PHLPP1: variants seen among roughly 807,000 people sequenced by gnomAD.
PHLPP1 encodes the protein PH domain leucine-rich repeat-containing protein phosphatase 1.
A neutral mutation model predicts 117.2 loss-of-function variants in PHLPP1; 42 were observed. The ratio of observed to expected loss-of-function variants is 0.36; its 90% CI spans 0.28 to 0.46. The LOEUF is 0.46. PHLPP1 is among the 20% of genes least tolerant of loss of function. PHLPP1 has a pLI of 1.00. For synonymous variants in PHLPP1, 1,042 were observed against 970.7 expected (o/e 1.07, Z -1.37); for missense variants, 2,084 against 2,241.9 (o/e 0.93, Z 1.42).
chr18:62,979,024 C>T lies in PHLPP1; in HGVS notation c.4747C>T (p.Leu1583=), dbSNP rs750526587. The change falls in exon 17 of 17, where the codon CTG becomes TTG. Residue 1583 remains leucine, a synonymous_variant. Transcript: ENST00000262719. ...RAKEKEKQQH[L]LQVPAEASDE... ...CAAGGAGAAGGAGAAACAGCAGCAC[C>T]TGCTTCAGGTGCCAGCAGAGGCCAG... The T allele has an allele frequency of 1.2e-6, 2 of 1,613,602 alleles. No individual in the cohort carries two copies. The highest frequency in any genetic ancestry group is 1.7e-6 in the Non-Finnish European group (2 of 1,179,806).
At chr18:62,868,882 G>A (rs1278075806) in intron 4 of PHLPP1, among the ~76,000 whole-genome samples, 1 of 152,138 alleles carries the variant, frequency 6.6e-6, no homozygotes, top group East Asian at 1.9e-4. Context: ...GAGATCATAT[G>A]TTCAATAATC....
rs1445458088 is a variant in PHLPP1, at chr18:62,977,370, G to A, written c.3985-892G>A. 2.2e-5 allele frequency among the ~76,000 whole-genome samples: 3 copies of A among 135,388 alleles called. No homozygotes were observed. In the Admixed American group the frequency reaches 2.5e-4, roughly 11 times the overall value. The allele number at this position is 135,388 out of a possible 152,430, so 88.8% of individuals were successfully genotyped here. ...TTAAAACTAGGGCATGTAGAGGTAT[G>A]TCATGGACCTGAGAATCTCAAAATT... On this transcript the variant is annotated intron_variant, in intron 16 of 16. Coordinates refer to ENST00000262719, the MANE Select transcript of PHLPP1 (RefSeq NM_194449.4).
At chr18:62,838,173 G>C (rs1210474294) in intron 2 of PHLPP1, 1 of 152,098 alleles carries the variant, frequency 6.6e-6, no homozygotes, top group East Asian at 1.9e-4. Context: ...TAAGATTTTG[G>C]TTGTAATTTC....
chr18:62,889,983 A>G (rs1451373051), intron 4 of PHLPP1, among the ~76,000 whole-genome samples: 1 of 152,104 alleles, frequency 6.6e-6, no homozygotes, highest in African/African-American at 2.4e-5. Flanking sequence ...CACTTGTGGT[A>G]TTATACTGGA....
chr18:62,975,637 G>A lies in PHLPP1; in HGVS notation c.3984+12G>A. The A allele has an allele frequency of 6.4e-7, 1 of 1,560,962 alleles. No individual in the cohort carries two copies. Among genetic ancestry groups the A allele is most frequent in the Non-Finnish European group, 8.8e-7 (1 of 1,131,738 alleles). On this transcript the variant is annotated intron_variant, in intron 16 of 16. Coordinates refer to ENST00000262719, the MANE Select transcript of PHLPP1 (RefSeq NM_194449.4). Reference sequence around the variant, plus strand: ...CCATTATCACTGAGGTGAGAAAACAGGGGTGTTGCCCAGGATGGTGGAGAG... The same window carrying A: ...CCATTATCACTGAGGTGAGAAAACAAGGGTGTTGCCCAGGATGGTGGAGAG...
chr18:62,975,850 G>T (rs778249660), intron 16 of PHLPP1, among the ~76,000 whole-genome samples: 6 of 152,224 alleles, frequency 3.9e-5, no homozygotes, highest in Admixed American at 6.5e-5. Context: ...TGCTTCATGG[G>T]CATGATCCCA....
rs1300896724 is a variant in PHLPP1 at position 62,943,350 on chromosome 18, T to C, written c.3161+1432T>C. Among the ~76,000 whole-genome samples, 3 of 152,288 alleles carry C rather than the reference T, an allele frequency of 2.0e-5. No individual in the cohort carries two copies. The East Asian group carries it at 5.8e-4, about 29-fold the overall frequency. On this transcript the variant is annotated intron_variant, in intron 11 of 16. Coordinates refer to ENST00000262719, the MANE Select transcript of PHLPP1 (RefSeq NM_194449.4). The stretch of plus-strand genomic sequence containing the variant: ...TCACACAAGGCCCACACTTAAATGG[T>C]TGCTGAATTAAAGAACGGGACCACC...
At chr18:62,968,570 C>T (rs1910968259) in intron 14 of PHLPP1, among the ~76,000 whole-genome samples, 1 of 116,952 alleles carries the variant, frequency 8.6e-6, no homozygotes, top group Admixed American at 1.0e-4. Context: ...TGGAGTCTCA[C>T]TCTGTCACCC....
chr18:62,967,286 T>C (rs1302111409), intron 14 of PHLPP1, among the ~76,000 whole-genome samples: 1 of 152,224 alleles, frequency 6.6e-6, no homozygotes, highest in South Asian at 2.1e-4. Context: ...CTGGGTCATA[T>C]GGTAAGTGTA....
At chr18:62,857,303 T>C (rs929460611) in intron 3 of PHLPP1, among the ~76,000 whole-genome samples, 3 of 150,242 alleles carry the variant, frequency 2.0e-5, no homozygotes, top group Non-Finnish European at 1.5e-5. Flanking sequence ...TTTTCATAAA[T>C]GGAATGTGTC....
rs183854646 is a variant in PHLPP1, at chr18:62,830,334, G to A, written c.1773+103G>A. The A allele has an allele frequency of 2.1e-3, 1,807 of 849,866 alleles. 3 individuals carry two copies. The highest frequency in any genetic ancestry group is 2.7e-3 in the Non-Finnish European group (1,502 of 558,620). 52.6% of individuals were successfully genotyped at this position (849,866 alleles called of 1,614,324 possible). On this transcript the variant is annotated intron_variant, in intron 2 of 16. Transcript: ENST00000262719. ...CAACTCACTGCAACCTCTGCCTCCTGAGTTCAAGCGATTCTCCTGCCTCAG... is the reference window on the plus strand; with the variant it reads ...CAACTCACTGCAACCTCTGCCTCCTAAGTTCAAGCGATTCTCCTGCCTCAG...
intron 14 of PHLPP1, among the ~76,000 whole-genome samples, chr18:62,963,766 T>G (rs1353357570): frequency 6.6e-6 from 1 of 152,236 alleles, no homozygotes; most frequent in African/African-American, 2.4e-5. Context: ...AGTATTGAAA[T>G]GCATCCCTGC....
chr18:62,960,743 C>T (rs1910744259), intron 13 of PHLPP1, among the ~76,000 whole-genome samples: 1 of 152,180 alleles, frequency 6.6e-6, no homozygotes, highest in African/African-American at 2.4e-5. Flanking sequence ...TTCTTAAAAG[C>T]AGTTGTCGTA....
rs1393636517 is a variant in PHLPP1 at position 62,851,622 on chromosome 18, G to A, written c.1900-8813G>A. On this transcript the variant is annotated intron_variant, in intron 3 of 16. Coordinates refer to ENST00000262719, the MANE Select transcript of PHLPP1 (RefSeq NM_194449.4). Reference sequence around the variant, plus strand: ...ATTACAGGTGTGCGCCACCACACCCGGCTAATATTTGTATTTCTAGTGGAG... The same window carrying A: ...ATTACAGGTGTGCGCCACCACACCCAGCTAATATTTGTATTTCTAGTGGAG... Among the ~76,000 whole-genome samples the A allele has an allele frequency of 6.6e-5, 10 of 152,060 alleles. No homozygotes were observed. The East Asian group carries it at 1.5e-3, about 24-fold the overall frequency.
At position 62,903,177 on chromosome 18, in the gene PHLPP1, T is replaced by C. The variant is rs1452251372; in HGVS notation, c.2647+11T>C. On this transcript the variant is annotated intron_variant, in intron 7 of 16. Coordinates refer to ENST00000262719, the MANE Select transcript of PHLPP1 (RefSeq NM_194449.4). Reference sequence around the variant, plus strand: ...ATGCCTCTTCTAATGGTATGTATCATAGGCTACATCAAAGTTGCTCTTTTG... The same window carrying C: ...ATGCCTCTTCTAATGGTATGTATCACAGGCTACATCAAAGTTGCTCTTTTG... 1.9e-6 allele frequency: 3 copies of C among 1,573,806 alleles called. No homozygotes were observed. The highest frequency in any genetic ancestry group is 4.5e-5 in the East Asian group (2 of 44,622).
chr18:62,715,767 T>C lies in PHLPP1; in HGVS notation c.84T>C (p.Ala28=). 4.3e-6 allele frequency: 3 copies of C among 703,588 alleles called. No individual in the cohort carries two copies. Among genetic ancestry groups the C allele is most frequent in the Non-Finnish European group, 5.3e-6 (3 of 568,586 alleles). The allele number at this position is 703,588 out of a possible 1,614,324, so 43.6% of individuals were successfully genotyped here. The change falls in exon 1 of 17, where the codon GCT becomes GCC. Residue 28 remains alanine, a synonymous_variant. Transcript: ENST00000262719. ...GAGCTTCGGCTCCGGCGGCCGCCGC[T>C]GCGGCAGCAGCAGCAGCAGCGGCGG... The part of the protein sequence containing the change: ...EDRASAPAAA[A]AAAAAAAAAA...
intron 7 of PHLPP1, among the ~76,000 whole-genome samples, 183 bp downstream of exon 7, chr18:62,903,349 T>A (rs1162873445): frequency 3.3e-5 from 5 of 152,168 alleles, no homozygotes; most frequent in Non-Finnish European, 1.5e-5. Flanking sequence ...AAGGAAAATT[T>A]TATTGTCCCT....
intron 1 of PHLPP1, among the ~76,000 whole-genome samples, chr18:62,795,578 G>T (rs1429808165): frequency 6.6e-6 from 1 of 151,676 alleles, no homozygotes; most frequent in Non-Finnish European, 1.5e-5. Context: ...CCATAAGCTG[G>T]ACTTGGTCAC....
In PHLPP1 at chr18:62,716,033, A is replaced by C. The variant is rs1306056989; in HGVS notation, c.350A>C (p.Asn117Thr). The change falls in exon 1 of 17, where the codon AAC (asparagine) becomes ACC (threonine). Residue 117 changes from asparagine to threonine, a missense_variant. Transcript: ENST00000262719. This position sits in a 1 kb window ranked among gnomAD's most constrained non-coding sequence, Gnocchi z 5.7. ...GTACCCGGGGCCGGCGGCGGCGCCA[A>C]CTCCCTCCTGCTGAGGAGAGGGCGG... ...APVPGAGGGA[N>T]SLLLRRGRLK... 7.1e-7 allele frequency: 1 copy of C among 1,406,390 alleles called. No homozygotes were observed. The highest frequency in any genetic ancestry group is 9.2e-7 in the Non-Finnish European group (1 of 1,089,988). The allele number at this position is 1,406,390 out of a possible 1,614,324, so 87.1% of individuals were successfully genotyped here.
Sources: gnomAD v4.1 joint callset for allele counts (sites outside exome capture counted in the v4.1 genomes callset) on GRCh38, gnomAD v4.1.1 for gene constraint, Gnocchi (gnomAD v3.1) non-coding constraint, MANE v1.5 for transcripts, NCBI Gene and HGNC (gene_info 2026-07-23, HGNC 2026-07-21) for gene names.